Variants in CEP170 observed in about 807,000 individuals in gnomAD.
The protein encoded by CEP170 is centrosomal protein of 170 kDa.
In CEP170, 21 loss-of-function variants were observed where a neutral mutation model predicts 151.9. The observed-to-expected ratio is 0.14, with a 90% CI of 0.10 to 0.20. CEP170 has a LOEUF of 0.20. Ranked by LOEUF, CEP170 falls within the 10% of genes least tolerant of loss-of-function variation. The pLI, the probability that CEP170 is intolerant of heterozygous loss-of-function variation, is 1.00. For synonymous variants in CEP170, 356 were observed against 648.8 expected (o/e 0.55, Z 6.86); for missense variants, 964 against 1,892.9 (o/e 0.51, Z 9.11).
chr1:243,247,634 G>A (rs1232659441), intron 1 of CEP170, among the ~76,000 whole-genome samples: 4 of 152,166 alleles, frequency 2.6e-5, no homozygotes, highest in African/African-American at 9.7e-5. Flanking sequence ...GACTACAGGC[G>A]TGAGCCACCG....
At chr1:243,231,596 C>T (rs1429879874) in intron 1 of CEP170, among the ~76,000 whole-genome samples, 1 of 152,066 alleles carries the variant, frequency 6.6e-6, no homozygotes, top group African/African-American at 2.4e-5. Context: ...TATCTGTATA[C>T]TCTTGAAACT....
chr1:243,186,483 G>A, intron 8 of CEP170, 61 bp from the exon 9 acceptor site: 2 of 1,509,114 alleles, frequency 1.3e-6, no homozygotes, highest in Admixed American at 2.4e-5. Context: ...AAATTTAGAA[G>A]CATATACAAA....
At chr1:243,197,144 A>T (rs2060708092) in intron 7 of CEP170, among the ~76,000 whole-genome samples, 2 of 152,150 alleles carry the variant, frequency 1.3e-5, no homozygotes, top group Admixed American at 1.3e-4. Flanking sequence ...AGGAGGGTTG[A>T]AACCAGGTTG....
At chr1:243,244,623 G>A (rs1170268022) in intron 1 of CEP170, among the ~76,000 whole-genome samples, 1 of 152,060 alleles carries the variant, frequency 6.6e-6, no homozygotes, top group African/African-American at 2.4e-5. Context: ...CATGTGCCCT[G>A]TATTCCCAAT....
At chr1:243,230,351 C>CA (rs57690013) in intron 1 of CEP170, among the ~76,000 whole-genome samples, 62,828 of 151,680 alleles carry the variant, frequency 0.41, 15,074 homozygotes, top group East Asian at 0.66. Flanking sequence ...TCTCAAAAAC[C>CA]AAAAAATAAC....
rs1183867723 is a variant in CEP170 at position 243,185,934 on chromosome 1, G to A, written c.1411C>T (p.Pro471Ser). ...AACATTTTATCCATCTCCTGGCTTG[G>A]TCTGTGCCCAAGACTCCCTGAACTT... ...LRSSGSLGHR[P>S]SQEMDKMLKN... Residue 471 changes from proline to serine, a missense_variant, in exon 10 of 20, where the codon CCA becomes TCA. Transcript: ENST00000366542. The surrounding 1 kb of genome is among the most constrained non-coding windows in gnomAD (Gnocchi z 4.9). The A allele has an allele frequency of 3.1e-6, 5 of 1,613,544 alleles. No individual in the cohort carries two copies. In the African/African-American group the frequency reaches 6.7e-5, roughly 22 times the overall value.
chr1:243,199,467 G>C (rs934333445), intron 6 of CEP170, among the ~76,000 whole-genome samples: 2 of 152,010 alleles, frequency 1.3e-5, no homozygotes, highest in Non-Finnish European at 2.9e-5. Flanking sequence ...GGTGTTATGA[G>C]TTGTTTGCTA....
At chr1:243,209,512 T>C (rs1352734021) in intron 4 of CEP170, among the ~76,000 whole-genome samples, 4 of 152,106 alleles carry the variant, frequency 2.6e-5, no homozygotes, top group Non-Finnish European at 5.9e-5. Flanking sequence ...ATCAAAATAG[T>C]TTTCCTCTCC....
At chr1:243,190,852 T>C (rs957529777) in intron 8 of CEP170, among the ~76,000 whole-genome samples, 166 bp downstream of exon 8, 17 of 152,198 alleles carry the variant, frequency 1.1e-4, no homozygotes, top group Non-Finnish European at 2.5e-4. Context: ...AATGAGGAAA[T>C]TGGACATGGG....
At chr1:243,247,886 T>G (rs1194165480) in intron 1 of CEP170, among the ~76,000 whole-genome samples, 1 of 152,194 alleles carries the variant, frequency 6.6e-6, no homozygotes, top group African/African-American at 2.4e-5. Context: ...ATTATACCTT[T>G]CATTTGGTTT....
chr1:243,210,135 T>C (rs1432165578), intron 4 of CEP170, among the ~76,000 whole-genome samples: 1 of 152,228 alleles, frequency 6.6e-6, no homozygotes, highest in Non-Finnish European at 1.5e-5. Flanking sequence ...ACAGACATAT[T>C]ATGAGCTGGT....
At chr1:243,128,968 A>C (rs1333147395) in intron 18 of CEP170, 1 of 153,912 alleles carries the variant, frequency 6.5e-6, no homozygotes, top group Non-Finnish European at 1.4e-5. Flanking sequence ...CCTCAATATT[A>C]TAATTATATT....
At chr1:243,130,754 ACT>A (rs1162395867) in intron 17 of CEP170, among the ~76,000 whole-genome samples, 2 of 150,838 alleles carry the variant, frequency 1.3e-5, no homozygotes, top group Non-Finnish European at 3.0e-5. Flanking sequence ...AAAACATGAA[ACT>A]CATTAACATC....
rs536253236 is a variant in CEP170 at position 243,243,227 on chromosome 1, GA to G, written c.-42+11812del. On this transcript the variant is annotated intron_variant, in intron 1 of 19. Transcript: ENST00000366542. ...CGACAGAGTGAGAGAGAGGGAGGGA[GA>G]AAGGAAGGAAGGAAAGAGTCATAGG... Among the ~76,000 whole-genome samples, 87 of 152,126 alleles carry G rather than the reference GA, an allele frequency of 5.7e-4. No homozygotes were observed. In the South Asian group the frequency reaches 0.016, roughly 28 times the overall value.
chr1:243,145,565 G>A (rs1192375993), intron 14 of CEP170, among the ~76,000 whole-genome samples: 3 of 152,182 alleles, frequency 2.0e-5, no homozygotes, highest in Non-Finnish European at 4.4e-5. Flanking sequence ...GAGCCACTAC[G>A]CCCAGCCAAA....
At chr1:243,151,036 G>A (rs1347030379) in intron 14 of CEP170, among the ~76,000 whole-genome samples, 4 of 152,236 alleles carry the variant, frequency 2.6e-5, no homozygotes, top group Non-Finnish European at 4.4e-5. Flanking sequence ...GAGTTCAGCC[G>A]CATTTGCAGC....
In CEP170 at chr1:243,194,942, T is replaced by A. The variant is rs1199751661; in HGVS notation, c.632-3448A>T. 2.0e-5 allele frequency among the ~76,000 whole-genome samples: 3 copies of A among 151,988 alleles called. No individual in the cohort carries two copies. The East Asian group carries it at 5.8e-4, about 29-fold the overall frequency. ...TGATAATCTGCTTATGTTCTTAAGGTATTTTATGACTGTGTTACCTTAACA... is the reference window on the plus strand; with the variant it reads ...TGATAATCTGCTTATGTTCTTAAGGAATTTTATGACTGTGTTACCTTAACA... On this transcript the variant is annotated intron_variant, in intron 7 of 19. Coordinates refer to ENST00000366542, the MANE Select transcript of CEP170 (RefSeq NM_014812.3).
intron 16 of CEP170, among the ~76,000 whole-genome samples, chr1:243,138,390 T>C (rs2055396578): frequency 1.3e-5 from 2 of 151,020 alleles, no homozygotes; most frequent in African/African-American, 2.4e-5. Context: ...TCGGGCTAGT[T>C]GCATACTTTT....
rs751272068 is a variant in CEP170, at chr1:243,156,369, T to C, written c.3763A>G (p.Thr1255Ala). Reference sequence around the variant, plus strand: ...AGGGCTGGAGAAGTACGTAGACGGGTATGTTTAGGGGAATTACGGTTTGAT... The same window carrying C: ...AGGGCTGGAGAAGTACGTAGACGGGCATGTTTAGGGGAATTACGGTTTGAT... ...FGSNRNSPKH[T>A]RLRTSPALKT... The change falls in exon 14 of 20, where the codon ACC (threonine) becomes GCC (alanine). Residue 1255 changes from threonine to alanine, a missense_variant. Physicochemically the swap from Thr to Ala is moderately conservative, Grantham distance 58. Coordinates refer to ENST00000366542, the MANE Select transcript of CEP170 (RefSeq NM_014812.3). 16 of 1,572,194 alleles carry C rather than the reference T, an allele frequency of 1.0e-5. No homozygotes were observed. The East Asian group carries it at 3.7e-4, about 36-fold the overall frequency.
Sources: gnomAD v4.1 joint callset for allele counts (sites outside exome capture counted in the v4.1 genomes callset) on GRCh38, gnomAD v4.1.1 for gene constraint, Gnocchi (gnomAD v3.1) non-coding constraint, MANE v1.5 for transcripts, NCBI Gene and HGNC (gene_info 2026-07-23, HGNC 2026-07-21) for gene names.